The following RCOR1 variants were observed in gnomAD, a reference collection of about 807,000 sequenced individuals.
RCOR1 encodes REST corepressor 1, also known as REST corepressor.
In RCOR1, 12 loss-of-function variants were observed where a neutral mutation model predicts 64.0. That is an observed-to-expected ratio of 0.19 (90% CI 0.12 to 0.30). The LOEUF (loss-of-function observed/expected upper bound fraction) is 0.30, where lower values mean the gene tolerates loss of function less well. RCOR1 is among the 10% of genes least tolerant of loss of function. The pLI, the probability that RCOR1 is intolerant of heterozygous loss-of-function variation, is 1.00. For missense variants in RCOR1, 502 were observed against 621.2 expected (o/e 0.81, Z 2.04); for synonymous variants, 279 against 227.2 (o/e 1.23, Z -2.05).
chr14:102,655,066 C>T (rs2088292559), intron 2 of RCOR1: 1 of 189,464 alleles, frequency 5.3e-6, no homozygotes, highest in South Asian at 1.8e-4. Flanking sequence ...CCTCCTCAGC[C>T]TCCCAAAGTG....
chr14:102,663,280 T>C (rs1457890552), intron 2 of RCOR1, among the ~76,000 whole-genome samples: 1 of 152,218 alleles, frequency 6.6e-6, no homozygotes, highest in East Asian at 1.9e-4. Flanking sequence ...GTTTTGTAAA[T>C]TGCCCAGTCT....
At chr14:102,637,485 A>G (rs1055670554) in intron 2 of RCOR1, among the ~76,000 whole-genome samples, 28 of 151,754 alleles carry the variant, frequency 1.8e-4, no homozygotes, top group Non-Finnish European at 3.1e-4. Context: ...GGATCTCACT[A>G]TGTTGCTGAG....
intron 2 of RCOR1, chr14:102,662,605 C>T (rs151075142): frequency 2.5e-5 from 11 of 447,576 alleles, no homozygotes; most frequent in African/African-American, 1.8e-4. Flanking sequence ...TTTTTTTTTC[C>T]GGCTGTGGAC....
intron 2 of RCOR1, among the ~76,000 whole-genome samples, chr14:102,600,683 G>A (rs1055359196): frequency 4.7e-5 from 7 of 150,346 alleles, no homozygotes; most frequent in Non-Finnish European, 8.9e-5. Flanking sequence ...CCATTCTCCT[G>A]CCTCAGCCTC....
intron 2 of RCOR1, among the ~76,000 whole-genome samples, chr14:102,624,752 C>T (rs751068452): frequency 1.9e-4 from 29 of 150,938 alleles, no homozygotes; most frequent in Admixed American, 1.1e-3. Context: ...GGTGATAGGA[C>T]GAGACCCTGT....
chr14:102,644,308 C>T lies in RCOR1; in HGVS notation c.362-37587C>T, dbSNP rs370384035. 4.6e-5 allele frequency among the ~76,000 whole-genome samples: 7 copies of T among 152,218 alleles called. No homozygotes were observed. The East Asian group carries it at 7.7e-4, about 17-fold the overall frequency. ...GACCCAGCCTCGGAAGTCACATAGGCTCCTTTCCGATGTAGTCACAAGTCT... is the reference window on the plus strand; with the variant it reads ...GACCCAGCCTCGGAAGTCACATAGGTTCCTTTCCGATGTAGTCACAAGTCT... On this transcript the variant is annotated intron_variant, in intron 2 of 11. Coordinates refer to ENST00000262241, the MANE Select transcript of RCOR1 (RefSeq NM_015156.4).
chr14:102,644,108 G>C (rs1894429726), intron 2 of RCOR1, among the ~76,000 whole-genome samples: 1 of 152,210 alleles, frequency 6.6e-6, no homozygotes, highest in Non-Finnish European at 1.5e-5. Flanking sequence ...GGCTGGAGCT[G>C]AACAGTAGGG....
rs186773142 is a variant in RCOR1 at position 102,720,929 on chromosome 14, C to G, written c.1054-78C>G. ...CGTCTTTACTCTTGGGTTTTTGTTT[C>G]TTTAGGTTTTTAAGTTCTGTTTTCA... On this transcript the variant is annotated intron_variant, in intron 8 of 11. Transcript: ENST00000262241. 1,066 of 751,980 alleles carry G rather than the reference C, an allele frequency of 1.4e-3. 4 individuals carry two copies. Among genetic ancestry groups the G allele is most frequent in the Non-Finnish European group, 1.8e-3 (835 of 470,494 alleles). 46.6% of individuals were successfully genotyped at this position (751,980 alleles called of 1,614,324 possible).
At chr14:102,712,818 GT>G (rs1895987739) in intron 7 of RCOR1, among the ~76,000 whole-genome samples, 2 of 151,164 alleles carry the variant, frequency 1.3e-5, no homozygotes, top group African/African-American at 2.4e-5. Context: ...TAAGCTTTGT[GT>G]TGATGTATTG....
chr14:102,695,811 A>G (rs1895635605), intron 3 of RCOR1, among the ~76,000 whole-genome samples: 1 of 150,726 alleles, frequency 6.6e-6, no homozygotes, highest in Non-Finnish European at 1.5e-5. Flanking sequence ...AGCCTCCCAG[A>G]GTGCTGGGAT....
At chr14:102,613,885 CTTTTTTTT>C (rs71119719) in intron 2 of RCOR1, among the ~76,000 whole-genome samples, 18 of 55,512 alleles carry the variant, frequency 3.2e-4, no homozygotes, top group Admixed American at 7.9e-4. Flanking sequence ...ATTAACTATT[CTTTTTTTT>C]TTTTTTTTTT....
At chr14:102,658,948 A>T (rs1446419754) in intron 2 of RCOR1, 2 of 231,316 alleles carry the variant, frequency 8.6e-6, no homozygotes, top group Non-Finnish European at 1.4e-5. Flanking sequence ...TCCCTACTGT[A>T]TACACTCACC....
intron 2 of RCOR1, among the ~76,000 whole-genome samples, chr14:102,674,387 C>G (rs1264382430): frequency 1.3e-5 from 2 of 152,310 alleles, no homozygotes; most frequent in Non-Finnish European, 2.9e-5. Context: ...GCACCAGAGA[C>G]TTTCAGACTT....
intron 2 of RCOR1, among the ~76,000 whole-genome samples, chr14:102,642,251 G>T (rs890125820): frequency 6.6e-6 from 1 of 152,152 alleles, no homozygotes; most frequent in Admixed American, 6.6e-5. Flanking sequence ...TTCTTTGACG[G>T]TATTAACAAG....
chr14:102,708,245 G>A (rs888947895), intron 5 of RCOR1, among the ~76,000 whole-genome samples: 7 of 152,092 alleles, frequency 4.6e-5, no homozygotes, highest in East Asian at 1.9e-4. Flanking sequence ...GATTACAGGC[G>A]TGAGTCACCA....
intron 3 of RCOR1, among the ~76,000 whole-genome samples, chr14:102,699,036 G>A (rs1895702432): frequency 1.3e-5 from 2 of 152,012 alleles, no homozygotes; most frequent in Non-Finnish European, 2.9e-5. Flanking sequence ...ACAGGCATGC[G>A]CCACCACGCC....
At chr14:102,657,704 G>A (rs1679898365) in intron 2 of RCOR1, 1 of 375,758 alleles carries the variant, frequency 2.7e-6, no homozygotes, top group Non-Finnish European at 3.7e-6. Context: ...CGGACTTGGT[G>A]GTGCGTGCCT....
At chr14:102,660,367 A>G (rs1245418966) in intron 2 of RCOR1, among the ~76,000 whole-genome samples, 1 of 148,468 alleles carries the variant, frequency 6.7e-6, no homozygotes, top group Non-Finnish European at 1.5e-5. Context: ...TTTTTTTTTC[A>G]TATCTTCTGT....
rs1896343338 is a variant in RCOR1 at position 102,730,154 on chromosome 14, A to G, written c.*3648A>G. 2 of 397,744 alleles carry G rather than the reference A, an allele frequency of 5.0e-6. No individual in the cohort carries two copies. The highest frequency in any genetic ancestry group is 8.8e-5 in the Admixed American group (2 of 22,714). 24.6% of individuals were successfully genotyped at this position (397,744 alleles called of 1,614,324 possible). On this transcript the variant is annotated 3_prime_UTR_variant, in exon 12 of 12. Coordinates refer to ENST00000262241, the MANE Select transcript of RCOR1 (RefSeq NM_015156.4). ...CACCTTCTCCTAAAACGAAATTTAT[A>G]CCGGGGTGGATAGTATTCCATTAGG...
Sources: allele counts gnomAD v4.1 joint callset (sites outside exome capture counted in the v4.1 genomes callset), GRCh38; gene constraint gnomAD v4.1.1; transcripts MANE v1.5; gene names NCBI Gene and HGNC (gene_info 2026-07-23, HGNC 2026-07-21).